The following SPAG16 variants were observed in gnomAD, a reference collection of about 807,000 sequenced individuals.
The protein encoded by SPAG16 is sperm-associated antigen 16 protein.
A neutral mutation model predicts 80.4 loss-of-function variants in SPAG16; 86 were observed. That is an observed-to-expected ratio of 1.07 (90% CI 0.90 to 1.28). The LOEUF (loss-of-function observed/expected upper bound fraction) is 1.28. Among genes scored for constraint, SPAG16 ranks in the 50% most tolerant of loss-of-function variants. The pLI, the probability that SPAG16 is intolerant of heterozygous loss-of-function variation, is 0.00. For synonymous variants in SPAG16, 294 were observed against 265.9 expected (o/e 1.11, Z -1.03); for missense variants, 870 against 765.3 (o/e 1.14, Z -1.61).
At chr2:213,913,476 A>ATG (rs577209244) in intron 11 of SPAG16, among the ~76,000 whole-genome samples, 18 of 148,026 alleles carry the variant, frequency 1.2e-4, no homozygotes, top group African/African-American at 3.7e-4. Context: ...TAGAACGAAT[A>ATG]TGTGTGTGTG....
intron 10 of SPAG16, among the ~76,000 whole-genome samples, chr2:213,663,270 A>G (rs2063488722): frequency 6.6e-6 from 1 of 152,060 alleles, no homozygotes; most frequent in South Asian, 2.1e-4. Flanking sequence ...CTCTAATTTT[A>G]ATCAAATATG....
At chr2:213,421,556 G>A (rs56373102) in intron 9 of SPAG16, among the ~76,000 whole-genome samples, 26,456 of 152,204 alleles carry the variant, frequency 0.17, 3,129 homozygotes, top group Non-Finnish European at 0.26. Context: ...TAAAGCCTGG[G>A]GGCCAGGCTC....
intron 9 of SPAG16, among the ~76,000 whole-genome samples, chr2:213,407,527 CCTTT>C (rs1159594221): frequency 6.6e-6 from 1 of 151,374 alleles, no homozygotes; most frequent in African/African-American, 2.4e-5. Context: ...CAACCCCTTT[CCTTT>C]CTTCTCGGGA....
At chr2:213,952,169 G>A (rs1161222742) in intron 12 of SPAG16, among the ~76,000 whole-genome samples, 2 of 151,874 alleles carry the variant, frequency 1.3e-5, no homozygotes, top group Non-Finnish European at 2.9e-5. Flanking sequence ...AATATGAGAA[G>A]AATACAAAAA....
chr2:213,576,794 AACACATAG>A (rs1269286193), intron 10 of SPAG16, among the ~76,000 whole-genome samples: 1 of 152,130 alleles, frequency 6.6e-6, no homozygotes, highest in Non-Finnish European at 1.5e-5. Context: ...AAATGATAAG[AACACATAG>A]ACACATAGAG....
intron 15 of SPAG16, among the ~76,000 whole-genome samples, chr2:214,295,054 C>T (rs1694040077): frequency 6.6e-6 from 1 of 152,124 alleles, no homozygotes; most frequent in Non-Finnish European, 1.5e-5. Flanking sequence ...GAATTTAGGC[C>T]CATTGATCAT....
At chr2:213,944,234 C>G (rs1163511364) in intron 12 of SPAG16, among the ~76,000 whole-genome samples, 2 of 152,350 alleles carry the variant, frequency 1.3e-5, no homozygotes, top group South Asian at 4.1e-4. Context: ...GGCAGAGCAA[C>G]TGGGGCCTGT....
chr2:214,011,266 A>T, intron 12 of SPAG16, among the ~76,000 whole-genome samples: 1 of 146,488 alleles, frequency 6.8e-6, no homozygotes, highest in South Asian at 2.1e-4. Context: ...AAATGTTCAT[A>T]CTTACATTTT....
chr2:214,035,088 C>T (rs1222575929), intron 13 of SPAG16, among the ~76,000 whole-genome samples: 1 of 152,132 alleles, frequency 6.6e-6, no homozygotes, highest in East Asian at 1.9e-4. Flanking sequence ...TAGGGTGTCA[C>T]AACAAGTATT....
At chr2:213,845,517 C>T (rs1031552349) in intron 10 of SPAG16, among the ~76,000 whole-genome samples, 30 of 152,160 alleles carry the variant, frequency 2.0e-4, no homozygotes, top group African/African-American at 6.5e-4. Flanking sequence ...TCGTAATGAA[C>T]ATGAACAGTA....
chr2:213,948,978 C>G (rs2079587050), intron 12 of SPAG16, among the ~76,000 whole-genome samples: 1 of 151,998 alleles, frequency 6.6e-6, no homozygotes, highest in Non-Finnish European at 1.5e-5. Context: ...GATAGGGTCT[C>G]TTGGGCCTTG....
At chr2:214,042,007 T>TATATATATATACAC (rs1371293247) in intron 13 of SPAG16, among the ~76,000 whole-genome samples, 64 of 101,230 alleles carry the variant, frequency 6.3e-4, no homozygotes, top group Middle Eastern at 5.3e-3. Flanking sequence ...TATATATATA[T>TATATATATATACAC]ACACACACAC....
intron 14 of SPAG16, among the ~76,000 whole-genome samples, chr2:214,114,709 G>C (rs867119631): frequency 6.6e-6 from 1 of 152,198 alleles, no homozygotes; most frequent in African/African-American, 2.4e-5. Flanking sequence ...GGTACAGTCT[G>C]TCACGGCTTC....
chr2:213,360,434 A>G (rs1559453299), intron 7 of SPAG16, among the ~76,000 whole-genome samples: 1 of 152,208 alleles, frequency 6.6e-6, no homozygotes, highest in Non-Finnish European at 1.5e-5. Flanking sequence ...CGACTGTCAA[A>G]TATCCATTAT....
At position 213,330,591 on chromosome 2, in the gene SPAG16, G is replaced by T. The variant is rs1473982616; in HGVS notation, c.537-9572G>T. ...TTGCTTTTGATTTTACAGGCTCATA[G>T]GTGGAAGGGACTTGCTTTGTCTCAG... On this transcript the variant is annotated intron_variant, in intron 5 of 15. Coordinates refer to ENST00000331683, the MANE Select transcript of SPAG16 (RefSeq NM_024532.5). Among the ~76,000 whole-genome samples, 3 of 152,166 alleles carry T rather than the reference G, an allele frequency of 2.0e-5. No homozygotes were observed. The East Asian group carries it at 5.8e-4, about 29-fold the overall frequency.
chr2:213,362,792 T>C (rs1466182630), intron 7 of SPAG16, among the ~76,000 whole-genome samples: 3 of 152,164 alleles, frequency 2.0e-5, no homozygotes, highest in Non-Finnish European at 2.9e-5. Context: ...CGAGACTGGG[T>C]AATTTATAAG....
intron 10 of SPAG16, among the ~76,000 whole-genome samples, chr2:213,560,996 TG>T (rs1426696808): frequency 3.3e-5 from 5 of 152,206 alleles, no homozygotes; most frequent in African/African-American, 1.2e-4. Flanking sequence ...CCCGAGTAAC[TG>T]GGATTACAGG....
chr2:214,323,613 T>C (rs1696265543), intron 15 of SPAG16, among the ~76,000 whole-genome samples: 3 of 152,136 alleles, frequency 2.0e-5, no homozygotes, highest in African/African-American at 7.2e-5. Flanking sequence ...CTGCAGCGAG[T>C]TGGACTTATT....
chr2:213,664,697 G>A (rs928953235), intron 10 of SPAG16, among the ~76,000 whole-genome samples: 1 of 151,926 alleles, frequency 6.6e-6, no homozygotes, highest in Admixed American at 6.6e-5. Flanking sequence ...TTATACTCAA[G>A]GATTCTTGGA....
Sources: allele counts gnomAD v4.1 joint callset (sites outside exome capture counted in the v4.1 genomes callset), GRCh38; gene constraint gnomAD v4.1.1; transcripts MANE v1.5; gene names NCBI Gene and HGNC (gene_info 2026-07-23, HGNC 2026-07-21).